PRDM10: variants seen among roughly 807,000 people sequenced by gnomAD.
The protein encoded by PRDM10 is PR/SET domain 10, also known as PR domain zinc finger protein 10.
In PRDM10, 65 loss-of-function variants were observed where a neutral mutation model predicts 133.1. That is an observed-to-expected ratio of 0.49 (90% CI 0.40 to 0.60). The LOEUF is 0.60. Among genes scored for constraint, PRDM10 ranks in the 20% least tolerant of loss-of-function variants. PRDM10 has a pLI of 0.00. For synonymous variants in PRDM10, 582 were observed against 580.4 expected, an observed-to-expected ratio of 1.00 and a Z score of -0.04; for missense variants, 1,137 against 1,507.1, an observed-to-expected ratio of 0.75 and a Z score of 4.07.
chr11:129,950,558 G>A (rs755079443), intron 4 of PRDM10, among the ~76,000 whole-genome samples: 1 of 152,184 alleles, frequency 6.6e-6, no homozygotes, highest in Non-Finnish European at 1.5e-5. Flanking sequence ...ACTTCTAGCA[G>A]TGCAGCTGCT....
At chr11:129,972,272 GT>G (rs1248778798) in intron 1 of PRDM10, among the ~76,000 whole-genome samples, 1 of 152,254 alleles carries the variant, frequency 6.6e-6, no homozygotes, top group Non-Finnish European at 1.5e-5. Flanking sequence ...GGCTCCCACA[GT>G]GCAGCGGTGG....
At position 129,937,767 on chromosome 11, in the gene PRDM10, CT is replaced by C. The variant is rs1951079493; in HGVS notation, c.967-98del. On this transcript the variant is annotated intron_variant, in intron 7 of 20. Coordinates refer to ENST00000360871, the MANE Select transcript of PRDM10 (RefSeq NM_199437.2). ...TCCTGCTTACAGGAAACAATTCAGG[CT>C]TTTCCACAGCCCATTAACAATGGAA... 4 of 1,078,718 alleles carry C rather than the reference CT, an allele frequency of 3.7e-6. No homozygotes were observed. In the South Asian group the frequency reaches 5.9e-5, roughly 16 times the overall value. 66.8% of individuals were successfully genotyped at this position (1,078,718 alleles called of 1,614,324 possible).
At chr11:129,968,873 C>T (rs1220033611) in intron 1 of PRDM10, among the ~76,000 whole-genome samples, 1 of 152,154 alleles carries the variant, frequency 6.6e-6, no homozygotes, top group South Asian at 2.1e-4. Context: ...AGAAACATAG[C>T]AAACGATGAG....
intron 1 of PRDM10, among the ~76,000 whole-genome samples, chr11:129,987,870 A>G (rs1051554718): frequency 1.3e-5 from 2 of 152,162 alleles, no homozygotes; most frequent in African/African-American, 4.8e-5. Context: ...GCGCAGTGGC[A>G]GGTGCCTGTA....
intron 20 of PRDM10, among the ~76,000 whole-genome samples, chr11:129,902,727 C>G (rs1949881323): frequency 6.6e-6 from 1 of 152,164 alleles, no homozygotes; most frequent in African/African-American, 2.4e-5. Context: ...TTAGCAGTTT[C>G]ACCAAATGAT....
Position 129,942,635 on chromosome 11 carries a change from C to T in PRDM10, c.763-6G>A, listed in dbSNP as rs141414113. On this transcript the variant is annotated splice_region_variant and splice_polypyrimidine_tract_variant and intron_variant, in intron 6 of 20. Transcript: ENST00000360871. ...TCCCCTTTATCAAGAGAAACCTGCA[C>T]GAAAAAAAAGCCACACCAAAAACAA... 446 of 1,595,436 alleles carry T rather than the reference C, an allele frequency of 2.8e-4. 1 individual carries two copies. In the African/African-American group the frequency reaches 4.4e-3, roughly 16 times the overall value.
chr11:129,978,444 G>T (rs117137335), intron 1 of PRDM10, among the ~76,000 whole-genome samples: 4,817 of 152,342 alleles, frequency 0.032, 119 homozygotes, highest in South Asian at 0.059. Flanking sequence ...ATGTCCTAAA[G>T]AAATGTTCCT....
chr11:129,937,198 T>C (rs778524330), intron 8 of PRDM10, among the ~76,000 whole-genome samples: 1 of 152,214 alleles, frequency 6.6e-6, no homozygotes, highest in South Asian at 2.1e-4. Flanking sequence ...ATGGGTGTGT[T>C]CACTTTGTGA....
At position 129,910,513 on chromosome 11, in the gene PRDM10, C is replaced by G. The variant is rs150299493; in HGVS notation, c.3126G>C (p.Thr1042=). 3.7e-6 allele frequency: 6 copies of G among 1,614,116 alleles called. No homozygotes were observed. Among genetic ancestry groups the G allele is most frequent in the Middle Eastern group, 1.7e-4 (1 of 6,044 alleles). Residue 1042 remains threonine (T), a synonymous_variant, in exon 19 of 21, where the codon ACG becomes ACC. Transcript: ENST00000360871. ...QQQQNSSVQH[T]YLPSAWNSFR... Reference sequence around the variant, plus strand: ...AGGAATTCCAAGCACTGGGCAGGTACGTGTGCTGCACAGAGGAATTCTGCT... The same window carrying G: ...AGGAATTCCAAGCACTGGGCAGGTAGGTGTGCTGCACAGAGGAATTCTGCT...
intron 7 of PRDM10, among the ~76,000 whole-genome samples, chr11:129,940,994 T>G (rs897340522): frequency 2.0e-5 from 3 of 152,240 alleles, no homozygotes; most frequent in African/African-American, 7.2e-5. Context: ...CAGTTTTTTT[T>G]CTAATCAGGA....
chr11:129,982,507 C>T (rs1232240597), intron 1 of PRDM10, among the ~76,000 whole-genome samples: 1 of 152,110 alleles, frequency 6.6e-6, no homozygotes, highest in Non-Finnish European at 1.5e-5. Context: ...TACATTCACA[C>T]ACAAAGAAAT....
chr11:129,900,441 T>G lies in PRDM10; in HGVS notation c.*1872A>C, dbSNP rs1388824046. On this transcript the variant is annotated 3_prime_UTR_variant, in exon 21 of 21. Transcript: ENST00000360871. The stretch of plus-strand genomic sequence containing the variant: ...ATTTTCCTCTGTGTATTTTAAAACT[T>G]AAAACAACTGCCATAAAATGAACAT... 1 of 152,622 alleles carries G rather than the reference T, an allele frequency of 6.6e-6. No homozygotes were observed. Among genetic ancestry groups the G allele is most frequent in the Non-Finnish European group, 1.5e-5 (1 of 68,014 alleles). 9.5% of individuals were successfully genotyped at this position (152,622 alleles called of 1,614,324 possible).
rs748317328 is a variant in PRDM10, at chr11:129,925,281, C to A, written c.1531-52G>T. 2.0e-6 allele frequency: 3 copies of A among 1,472,838 alleles called. No individual in the cohort carries two copies. The East Asian group carries it at 6.8e-5, about 34-fold the overall frequency. 91.2% of individuals were successfully genotyped at this position (1,472,838 alleles called of 1,614,324 possible). The stretch of plus-strand genomic sequence containing the variant: ...TTTAGTGATGAAATTAAGAGTGCAA[C>A]TGGATCACACTTTTACAGAGAAAGA... On this transcript the variant is annotated intron_variant, in intron 11 of 20. Transcript: ENST00000360871.
intron 1 of PRDM10, among the ~76,000 whole-genome samples, chr11:129,974,251 G>A (rs779632039): frequency 4.6e-5 from 7 of 152,106 alleles, no homozygotes; most frequent in Non-Finnish European, 1.0e-4. Context: ...TAATGACCAG[G>A]GTCATTTCTG....
chr11:129,952,644 G>C (rs991856763), intron 4 of PRDM10, among the ~76,000 whole-genome samples: 10 of 152,052 alleles, frequency 6.6e-5, no homozygotes, highest in African/African-American at 2.2e-4. Context: ...AGCCTCCCGA[G>C]TAGCTGAGAT....
intron 1 of PRDM10, among the ~76,000 whole-genome samples, chr11:129,969,531 T>C (rs147876787): frequency 0.033 from 5,049 of 151,864 alleles, 301 homozygotes; most frequent in African/African-American, 0.12. Flanking sequence ...CAGTGGCTCA[T>C]GCCTGTAATC....
chr11:129,944,528 T>G (rs1203034843), intron 6 of PRDM10, among the ~76,000 whole-genome samples: 21 of 148,500 alleles, frequency 1.4e-4, no homozygotes, highest in Admixed American at 6.8e-5. Flanking sequence ...GAGCTTGCAG[T>G]GAGCCGAGAT....
chr11:129,981,572 C>T (rs548382006), intron 1 of PRDM10, among the ~76,000 whole-genome samples: 15 of 152,084 alleles, frequency 9.9e-5, no homozygotes, highest in Admixed American at 7.2e-4. Flanking sequence ...TTGCTTTCAA[C>T]GTACAGATGT....
chr11:129,999,024 T>C (rs1331703193), intron 1 of PRDM10, among the ~76,000 whole-genome samples: 2 of 152,052 alleles, frequency 1.3e-5, no homozygotes, highest in East Asian at 3.9e-4. Context: ...AGTTTTGCTA[T>C]GTTGGCCAGA....
Sources: gnomAD v4.1 joint callset for allele counts (sites outside exome capture counted in the v4.1 genomes callset) on GRCh38, gnomAD v4.1.1 for gene constraint, MANE v1.5 for transcripts, NCBI Gene and HGNC (gene_info 2026-07-23, HGNC 2026-07-21) for gene names.